The following FGF12 variants were observed in gnomAD, a reference collection of about 807,000 sequenced individuals.
FGF12 encodes fibroblast growth factor 12, also known as fibroblast growth factor 12B.
A neutral mutation model predicts 23.6 loss-of-function variants in FGF12; 14 were observed. That is an observed-to-expected ratio of 0.59 (90% CI 0.39 to 0.93). The LOEUF is 0.93. Ranked by LOEUF, FGF12 falls within the 40% of genes least tolerant of loss-of-function variation. FGF12 has a pLI of 0.00. For synonymous variants in FGF12, 62 were observed against 77.3 expected (o/e 0.80, Z 1.04); for missense variants, 175 against 217.8 (o/e 0.80, Z 1.24).
intron 2 of FGF12, among the ~76,000 whole-genome samples, chr3:192,655,962 C>T (rs1716396093): frequency 6.8e-6 from 1 of 146,894 alleles, no homozygotes; most frequent in African/African-American, 2.5e-5. Context: ...GGAAGAATAA[C>T]TAGCACTCCA....
intron 4 of FGF12, among the ~76,000 whole-genome samples, chr3:192,181,375 A>G (rs1268114626): frequency 6.9e-6 from 1 of 144,400 alleles, no homozygotes; most frequent in Non-Finnish European, 1.5e-5. Flanking sequence ...ACACACACAC[A>G]CAGACACACA....
chr3:192,483,863 A>G (rs1033378515), intron 2 of FGF12, among the ~76,000 whole-genome samples: 2 of 152,202 alleles, frequency 1.3e-5, no homozygotes, highest in African/African-American at 4.8e-5. Context: ...GCCACACATC[A>G]ATAGAAAATA....
At chr3:192,537,523 G>T (rs1447604800) in intron 2 of FGF12, among the ~76,000 whole-genome samples, 2 of 152,098 alleles carry the variant, frequency 1.3e-5, no homozygotes, top group East Asian at 3.9e-4. Flanking sequence ...CATATTGTTA[G>T]TTTTTGTTAG....
chr3:192,173,496 CA>C (rs1715686179), intron 4 of FGF12, among the ~76,000 whole-genome samples: 1 of 139,188 alleles, frequency 7.2e-6, no homozygotes. Flanking sequence ...AACTCAGATT[CA>C]ATATAGATGA....
chr3:192,564,897 C>T (rs1222348361), intron 2 of FGF12, among the ~76,000 whole-genome samples: 1 of 152,208 alleles, frequency 6.6e-6, no homozygotes, highest in African/African-American at 2.4e-5. Context: ...TGGTTCTAAT[C>T]TACTCTCCAT....
intron 2 of FGF12, among the ~76,000 whole-genome samples, chr3:192,714,668 G>A (rs1399794641): frequency 2.6e-5 from 4 of 151,852 alleles, no homozygotes; most frequent in East Asian, 1.9e-4. Context: ...ACAGGCGCCC[G>A]CCACTACGTC....
chr3:192,319,181 G>A (rs781339504), intron 4 of FGF12, among the ~76,000 whole-genome samples: 124 of 152,156 alleles, frequency 8.1e-4, no homozygotes, highest in Non-Finnish European at 1.3e-3. Flanking sequence ...ACCATCTGAG[G>A]GCAAAAAATT....
chr3:192,549,075 C>A (rs1725566560), intron 2 of FGF12, among the ~76,000 whole-genome samples: 1 of 152,154 alleles, frequency 6.6e-6, no homozygotes, highest in South Asian at 2.1e-4. Context: ...CCATACCAGG[C>A]AAGCTAATTA....
At chr3:192,469,638 AC>A (rs1215400590) in intron 2 of FGF12, among the ~76,000 whole-genome samples, 2 of 152,182 alleles carry the variant, frequency 1.3e-5, no homozygotes, top group African/African-American at 4.8e-5. Context: ...ATGTTTTATG[AC>A]CCAGAGAATC....
chr3:192,360,379 G>T lies in FGF12; in HGVS notation c.124+49C>A. On this transcript the variant is annotated intron_variant, in intron 3 of 5. Coordinates refer to ENST00000445105, the MANE Select transcript of FGF12 (RefSeq NM_004113.6). The surrounding 1 kb of genome is among the most constrained non-coding windows in gnomAD (Gnocchi z 4.3). ...ATGCTTTAAGTATAAGATACACTGG[G>T]CCCTACATTTGATTTGTAATCAGAT... 7.9e-7 allele frequency: 1 copy of T among 1,265,860 alleles called. No homozygotes were observed. Among genetic ancestry groups the T allele is most frequent in the Non-Finnish European group, 1.2e-6 (1 of 863,312 alleles). 78.4% of individuals were successfully genotyped at this position (1,265,860 alleles called of 1,614,324 possible).
At chr3:192,639,960 C>T (rs940267997) in intron 2 of FGF12, among the ~76,000 whole-genome samples, 2 of 151,118 alleles carry the variant, frequency 1.3e-5, no homozygotes, top group African/African-American at 4.9e-5. Flanking sequence ...GTGAAATAGG[C>T]CAAACACAGA....
intron 4 of FGF12, among the ~76,000 whole-genome samples, chr3:192,266,804 A>G (rs1713106085): frequency 6.6e-6 from 1 of 151,138 alleles, no homozygotes; most frequent in African/African-American, 2.5e-5. Flanking sequence ...AACACCACAC[A>G]CACACACACA....
chr3:192,314,497 G>T (rs183242215), intron 4 of FGF12, among the ~76,000 whole-genome samples: 39 of 152,156 alleles, frequency 2.6e-4, no homozygotes, highest in African/African-American at 8.7e-4. Flanking sequence ...ATGTTATCTG[G>T]GGATTTAAGA....
At chr3:192,257,960 C>T (rs564258869) in intron 4 of FGF12, among the ~76,000 whole-genome samples, 13 of 150,206 alleles carry the variant, frequency 8.7e-5, no homozygotes, top group East Asian at 3.9e-4. Context: ...CCAATCCTTA[C>T]GGTACCCTGT....
Position 192,335,375 on chromosome 3 carries a change from A to G in FGF12, c.214T>C (p.Tyr72His), listed in dbSNP as rs769728469. ...SLYVAMNGEG[Y>H]LYSSDVFTPE... The stretch of plus-strand genomic sequence containing the variant: ...AATGTACTTACTGAACTGTAGAGAT[A>G]GCCTTCACCATTCATGGCCACATAG... The change falls in exon 4 of 6, where the codon TAT becomes CAT. Residue 72 changes from tyrosine (Y) to histidine (H), a missense_variant. Coordinates refer to ENST00000445105, the MANE Select transcript of FGF12 (RefSeq NM_004113.6). The G allele has an allele frequency of 9.3e-6, 15 of 1,610,628 alleles. No individual in the cohort carries two copies. Among genetic ancestry groups the G allele is most frequent in the Non-Finnish European group, 1.3e-5 (15 of 1,177,148 alleles).
chr3:192,406,231 A>G (rs1313875907), intron 2 of FGF12, among the ~76,000 whole-genome samples: 1 of 151,804 alleles, frequency 6.6e-6, no homozygotes, highest in African/African-American at 2.4e-5. Flanking sequence ...CCCATTGATC[A>G]TCTCCAAGTC....
At chr3:192,625,030 T>C (rs759623692) in intron 2 of FGF12, among the ~76,000 whole-genome samples, 1 of 152,122 alleles carries the variant, frequency 6.6e-6, no homozygotes, top group African/African-American at 2.4e-5. Context: ...ATTAAAAGCT[T>C]TGTTATGTTT....
At chr3:192,452,444 C>G (rs73066302) in intron 2 of FGF12, among the ~76,000 whole-genome samples, 14,641 of 152,064 alleles carry the variant, frequency 0.096, 2,305 homozygotes, top group African/African-American at 0.33. Context: ...CTCTGTGTTA[C>G]GTGCTATAGT....
intron 3 of FGF12, among the ~76,000 whole-genome samples, chr3:192,337,953 T>C (rs915268450): frequency 6.6e-6 from 1 of 152,200 alleles, no homozygotes; most frequent in African/African-American, 2.4e-5. Flanking sequence ...ATACATTCAT[T>C]AATTGTATTT....
Sources: allele counts gnomAD v4.1 joint callset (sites outside exome capture counted in the v4.1 genomes callset), GRCh38; gene constraint gnomAD v4.1.1; non-coding constraint Gnocchi (gnomAD v3.1); transcripts MANE v1.5; gene names NCBI Gene and HGNC (gene_info 2026-07-23, HGNC 2026-07-21).